Variants in FYB2 observed in about 807,000 individuals in gnomAD.
The protein encoded by FYB2 is FYN-binding protein 2.
A neutral mutation model predicts 94.1 loss-of-function variants in FYB2; 103 were observed. The observed-to-expected ratio is 1.09, with a 90% CI of 0.93 to 1.29. FYB2 has a LOEUF of 1.29. FYB2 is among the 50% of genes most tolerant of loss of function. The pLI is 0.00. For synonymous variants in FYB2, 293 were observed against 287.9 expected, an observed-to-expected ratio of 1.02 and a Z score of -0.18; for missense variants, 896 against 841.5, an observed-to-expected ratio of 1.06 and a Z score of -0.80.
At chr1:56,763,287 T>G (rs918228046) in intron 5 of FYB2, among the ~76,000 whole-genome samples, 3 of 152,194 alleles carry the variant, frequency 2.0e-5, no homozygotes, top group Non-Finnish European at 2.9e-5. Flanking sequence ...TTTAAAAAAA[T>G]GTGTTTTCTC....
chr1:56,734,402 T>C (rs1644782772), intron 15 of FYB2, among the ~76,000 whole-genome samples: 1 of 152,090 alleles, frequency 6.6e-6, no homozygotes, highest in Admixed American at 6.6e-5. Context: ...AGCAAAGACT[T>C]GGAACCAACC....
chr1:56,769,064 G>A (rs1407099516), intron 4 of FYB2, among the ~76,000 whole-genome samples: 2 of 151,962 alleles, frequency 1.3e-5, no homozygotes, highest in African/African-American at 4.8e-5. Flanking sequence ...TTTGAGACAG[G>A]TTCTCATCCT....
intron 1 of FYB2, among the ~76,000 whole-genome samples, chr1:56,819,068 G>A (rs1646952299): frequency 6.6e-6 from 1 of 152,190 alleles, no homozygotes; most frequent in African/African-American, 2.4e-5. Flanking sequence ...TCACACTCCA[G>A]GTGGCACAGG....
intron 6 of FYB2, among the ~76,000 whole-genome samples, chr1:56,757,493 A>G (rs889921763): frequency 1.3e-5 from 2 of 152,016 alleles, no homozygotes; most frequent in African/African-American, 4.8e-5. Flanking sequence ...TGTTTGCCTT[A>G]CTTCTCCCAG....
chr1:56,723,015 T>A (rs189062021), intron 17 of FYB2, among the ~76,000 whole-genome samples: 1 of 152,108 alleles, frequency 6.6e-6, no homozygotes, highest in Admixed American at 6.6e-5. Flanking sequence ...AATAACAGAA[T>A]AAGAAGGCAG....
At position 56,738,669 on chromosome 1, in the gene FYB2, A is replaced by C; in HGVS notation, c.1704-16T>G. On this transcript the variant is annotated splice_polypyrimidine_tract_variant and intron_variant, in intron 13 of 19. Coordinates refer to ENST00000343433, the MANE Select transcript of FYB2 (RefSeq NM_001004303.5). ...GGAAAATGCACTGTTGATTGACAAAAGACACAAAAGAGTTAAGGAAAAAAA... is the reference window on the plus strand; with the variant it reads ...GGAAAATGCACTGTTGATTGACAAACGACACAAAAGAGTTAAGGAAAAAAA... 2 of 1,609,918 alleles carry C rather than the reference A, an allele frequency of 1.2e-6. No individual in the cohort carries two copies. Among genetic ancestry groups the C allele is most frequent in the Non-Finnish European group, 1.7e-6 (2 of 1,177,874 alleles).
In FYB2 at chr1:56,720,298, G is replaced by A. The variant is rs1475464369; in HGVS notation, c.2006C>T (p.Ala669Val). The A allele has an allele frequency of 6.2e-7, 1 of 1,609,512 alleles. No individual in the cohort carries two copies. The highest frequency in any genetic ancestry group is 2.2e-5 in the East Asian group (1 of 44,706). The change falls in exon 18 of 20, where the codon GCA (alanine) becomes GTA (valine). Residue 669 changes from alanine (A) to valine (V), a missense_variant. Ala to Val is a moderately conservative substitution (Grantham distance 64). Transcript: ENST00000343433. ...TCTTGAATTATTGGAACAGGCCACT[G>A]CTGTATTGATGACAATAATCTCTTT... ...YDKEIIVINTAVACSNNSRNG... is the reference protein window; with the variant it reads ...YDKEIIVINTVVACSNNSRNG...
chr1:56,768,563 A>G (rs1645680614), intron 4 of FYB2, among the ~76,000 whole-genome samples: 1 of 152,182 alleles, frequency 6.6e-6, no homozygotes, highest in Non-Finnish European at 1.5e-5. Flanking sequence ...TTAATAAACA[A>G]TCTGCTCATT....
In FYB2 at chr1:56,785,467, C is replaced by T. The variant is rs182637673; in HGVS notation, c.953+1708G>A. On this transcript the variant is annotated intron_variant, in intron 4 of 19. Transcript: ENST00000343433. ...CTTTCACATAAATACGCATAGAACACGTCTCCACTGACCTGTCTTGTGCTG... is the reference window on the plus strand; with the variant it reads ...CTTTCACATAAATACGCATAGAACATGTCTCCACTGACCTGTCTTGTGCTG... Among the ~76,000 whole-genome samples, 190 of 152,290 alleles carry T rather than the reference C, an allele frequency of 1.2e-3. 1 individual carries two copies. Among genetic ancestry groups the T allele is most frequent in the African/African-American group, 4.0e-3 (166 of 41,562 alleles).
chr1:56,736,866 A>G (rs1644841123), intron 15 of FYB2, among the ~76,000 whole-genome samples: 1 of 152,188 alleles, frequency 6.6e-6, no homozygotes, highest in African/African-American at 2.4e-5. Context: ...AATAAAAAAC[A>G]GAAACAAACT....
At chr1:56,819,000 C>A (rs1436980120) in intron 1 of FYB2, among the ~76,000 whole-genome samples, 1 of 152,210 alleles carries the variant, frequency 6.6e-6, no homozygotes, top group East Asian at 1.9e-4. Context: ...GGTCAGGAGT[C>A]CAGCTGGCTG....
chr1:56,786,021 C>T (rs535405055), intron 4 of FYB2, among the ~76,000 whole-genome samples: 9 of 152,266 alleles, frequency 5.9e-5, no homozygotes, highest in East Asian at 5.8e-4. Context: ...TTGTTAGCAG[C>T]GACTGTAGGA....
intron 5 of FYB2, among the ~76,000 whole-genome samples, chr1:56,759,193 G>A (rs1160160549): frequency 2.0e-5 from 3 of 152,052 alleles, no homozygotes; most frequent in African/African-American, 4.8e-5. Flanking sequence ...TTGAAAACAC[G>A]AGCACACCAA....
intron 8 of FYB2, among the ~76,000 whole-genome samples, chr1:56,752,817 G>C (rs1177710246): frequency 6.6e-6 from 1 of 152,084 alleles, no homozygotes; most frequent in Non-Finnish European, 1.5e-5. Flanking sequence ...CATTGAAAAA[G>C]AGCAGAGCTT....
chr1:56,743,517 G>A (rs369457733), intron 11 of FYB2, among the ~76,000 whole-genome samples: 21 of 152,072 alleles, frequency 1.4e-4, no homozygotes, highest in Middle Eastern at 3.4e-3. Flanking sequence ...AGAGCATTCC[G>A]GAAAGGGAGG....
chr1:56,757,691 T>TTCTTTTTTTCTTTCA (rs1557616923), intron 6 of FYB2, among the ~76,000 whole-genome samples: 1 of 70,166 alleles, frequency 1.4e-5, no homozygotes, highest in Non-Finnish European at 3.0e-5. Flanking sequence ...TCCTTCCTTC[T>TTCTTTTTTTCTTTCA]TTCTTTCTTT....
chr1:56,806,415 G>C (rs934831085), intron 1 of FYB2, among the ~76,000 whole-genome samples: 4 of 152,200 alleles, frequency 2.6e-5, no homozygotes, highest in African/African-American at 9.7e-5. Flanking sequence ...ACCTGAACCT[G>C]AGAGAGTCTG....
intron 9 of FYB2, among the ~76,000 whole-genome samples, chr1:56,748,991 A>G (rs1275642271): frequency 6.6e-6 from 1 of 150,642 alleles, no homozygotes; most frequent in Non-Finnish European, 1.5e-5. Flanking sequence ...GTAGATATTT[A>G]ATCTCTTTCA....
At chr1:56,768,078 C>G in intron 4 of FYB2, 140 bp from the exon 5 acceptor site, 1 of 608,818 alleles carries the variant, frequency 1.6e-6, no homozygotes, top group Non-Finnish European at 2.8e-6. Context: ...GGCACACTAC[C>G]CCTACTCCAA....
Sources: gnomAD v4.1 joint callset for allele counts (sites outside exome capture counted in the v4.1 genomes callset) on GRCh38, gnomAD v4.1.1 for gene constraint, MANE v1.5 for transcripts, NCBI Gene and HGNC (gene_info 2026-07-23, HGNC 2026-07-21) for gene names.